Variants in NEB observed in about 807,000 individuals in gnomAD.
The protein encoded by NEB is nebulin.
In NEB, 512 loss-of-function variants were observed where a neutral mutation model predicts 952.2. The observed-to-expected ratio is 0.54, with a 90% CI of 0.50 to 0.58. The LOEUF (loss-of-function observed/expected upper bound fraction) is 0.58. Among genes scored for constraint, NEB ranks in the 20% least tolerant of loss-of-function variants. NEB has a pLI of 0.00. For synonymous variants in NEB, 2,900 were observed against 3,149.8 expected (o/e 0.92, Z 2.66); for missense variants, 8,428 against 9,231.1 (o/e 0.91, Z 3.56).
intron 171 of NEB, chr2:151,497,281 A>ATT (rs376283107): frequency 1.5e-5 from 11 of 752,054 alleles, no homozygotes; most frequent in East Asian, 2.6e-4. Flanking sequence ...TATCCATGTT[A>ATT]TTTTTTTTTT....
At chr2:151,635,403 G>A (rs927862784) in intron 64 of NEB, among the ~76,000 whole-genome samples, 4 of 152,192 alleles carry the variant, frequency 2.6e-5, no homozygotes, top group South Asian at 2.1e-4. Flanking sequence ...TCTGGGAGAC[G>A]TGCTAAATGG....
chr2:151,621,392 C>G (rs1206845126), intron 71 of NEB, among the ~76,000 whole-genome samples: 1 of 152,168 alleles, frequency 6.6e-6, no homozygotes, highest in Non-Finnish European at 1.5e-5. Context: ...TAGCAGAGAA[C>G]AGTATCATAT....
intron 171 of NEB, chr2:151,497,285 T>TA (rs2060868909): frequency 1.1e-6 from 1 of 949,110 alleles, no homozygotes; most frequent in African/African-American, 1.8e-5. Context: ...CATGTTATTT[T>TA]TTTTTTTCCT....
chr2:151,512,019 CTTTTTTTTTTT>C (rs71403173), intron 161 of NEB, among the ~76,000 whole-genome samples: 12 of 93,580 alleles, frequency 1.3e-4, no homozygotes, highest in African/African-American at 1.7e-4. Context: ...CCCTCTCACT[CTTTTTTTTTTT>C]TTTTTTTTTT....
At chr2:151,609,292 G>A (rs1283836772) in intron 81 of NEB, among the ~76,000 whole-genome samples, 4 of 152,036 alleles carry the variant, frequency 2.6e-5, no homozygotes, top group African/African-American at 9.7e-5. Context: ...ATAAGTGCAC[G>A]AGATTGTACT....
intron 112 of NEB, 37 bp from the exon 113 acceptor site, chr2:151,568,215 G>C (rs777653216): frequency 6.3e-7 from 1 of 1,597,142 alleles, no homozygotes; most frequent in Non-Finnish European, 8.6e-7. Flanking sequence ...TTAAAATGAG[G>C]AGTCAGAAGG....
intron 135 of NEB, among the ~76,000 whole-genome samples, chr2:151,545,686 G>A (rs1188941714): frequency 6.6e-6 from 1 of 152,102 alleles, no homozygotes. Flanking sequence ...TTACCAAAAG[G>A]GGGCAAAATA....
chr2:151,547,522 T>C lies in NEB; in HGVS notation c.20274A>G (p.Lys6758=), dbSNP rs1258333426. The change falls in exon 133 of 182, where the codon AAA becomes AAG. Residue 6758 remains lysine, a synonymous_variant. Coordinates refer to ENST00000397345, the MANE Select transcript of NEB (RefSeq NM_001164508.2). ...TQEAVSELIY[K]SDFFKMQGHM... is the part of the protein sequence containing the mutation. ...GGCCCTGCATCTTGAAGAAGTCTGA[T>C]TTGTAGATCAACTAAAGAAAAAAAA... 1 of 1,604,554 alleles carries C rather than the reference T, an allele frequency of 6.2e-7. No homozygotes were observed. Among genetic ancestry groups the C allele is most frequent in the Non-Finnish European group, 8.5e-7 (1 of 1,175,324 alleles).
intron 47 of NEB, among the ~76,000 whole-genome samples, chr2:151,658,534 A>T (rs986735686): frequency 2.0e-5 from 3 of 152,342 alleles, no homozygotes; most frequent in Admixed American, 6.5e-5. Flanking sequence ...TGTGGAATTC[A>T]AACAAAGAAA....
At chr2:151,612,479 G>T in intron 77 of NEB, 90 bp from the exon 78 acceptor site, 2 of 1,211,130 alleles carry the variant, frequency 1.7e-6, no homozygotes, top group Non-Finnish European at 1.2e-6. Flanking sequence ...TAATGTGTTA[G>T]TCTGAATCTT....
At chr2:151,616,522 C>T (rs2098202033) in intron 75 of NEB, among the ~76,000 whole-genome samples, 1 of 152,034 alleles carries the variant, frequency 6.6e-6, no homozygotes, top group Non-Finnish European at 1.5e-5. Context: ...GGTGAAATCC[C>T]GTCTCCACTA....
chr2:151,620,659 T>A (rs2098396628), intron 72 of NEB, among the ~76,000 whole-genome samples: 1 of 152,030 alleles, frequency 6.6e-6, no homozygotes, highest in South Asian at 2.1e-4. Flanking sequence ...TAGCTCAGCA[T>A]ACACACATCT....
chr2:151,627,379 A>T (rs1431621388), intron 69 of NEB, 144 bp downstream of exon 69: 87 of 1,421,704 alleles, frequency 6.1e-5, no homozygotes, highest in South Asian at 1.4e-5. Flanking sequence ...CTCCAAAAAA[A>T]GTAAGGGGAA....
chr2:151,530,277 A>G (rs1467840924), intron 145 of NEB, among the ~76,000 whole-genome samples: 1 of 152,188 alleles, frequency 6.6e-6, no homozygotes, highest in Admixed American at 6.5e-5. Context: ...ATAGGAGGGA[A>G]AGGCACAGAG....
chr2:151,546,377 T>C lies in NEB; in HGVS notation c.20434A>G (p.Met6812Val), dbSNP rs370764959. 45 of 1,613,354 alleles carry C rather than the reference T, an allele frequency of 2.8e-5. No homozygotes were observed. Among genetic ancestry groups the C allele is most frequent in the Middle Eastern group, 1.7e-4 (1 of 6,056 alleles). ...FGCFLYDTPD[M>V]VRSRHLRKLW... ...TTCCGCAGGTGCCGGGAGCGGACCATGTCAGGAGTGTCATACAGGAAGCAG... is the reference window on the plus strand; with the variant it reads ...TTCCGCAGGTGCCGGGAGCGGACCACGTCAGGAGTGTCATACAGGAAGCAG... The change falls in exon 134 of 182, where the codon ATG (methionine) becomes GTG (valine). Residue 6812 changes from methionine (M) to valine (V), a missense_variant. Coordinates refer to ENST00000397345, the MANE Select transcript of NEB (RefSeq NM_001164508.2).
Position 151,650,251 on chromosome 2 carries a change from G to A in NEB, c.7356C>T (p.Asp2452=). 1.9e-6 allele frequency: 3 copies of A among 1,613,890 alleles called. No individual in the cohort carries two copies. Among genetic ancestry groups the A allele is most frequent in the East Asian group, 2.2e-5 (1 of 44,872 alleles). The change falls in exon 54 of 182, where the codon GAC becomes GAT. Residue 2452 remains aspartate (D), a synonymous_variant. Coordinates refer to ENST00000397345, the MANE Select transcript of NEB (RefSeq NM_001164508.2). ...CAGGAATGCTGGTGAACTTGTTTCTGTCTGGAGGCTGACGATATTTCTTCT... is the reference window on the plus strand; with the variant it reads ...CAGGAATGCTGGTGAACTTGTTTCTATCTGGAGGCTGACGATATTTCTTCT... ...ISEKKYRQPP[D]RNKFTSIPDA...
At position 151,576,156 on chromosome 2, in the gene NEB, T is replaced by C; in HGVS notation, c.16903A>G (p.Ser5635Gly). 1 of 1,595,210 alleles carries C rather than the reference T, an allele frequency of 6.3e-7. No homozygotes were observed. The change falls in exon 106 of 182, where the codon AGT becomes GGT. Residue 5635 changes from serine to glycine, a missense_variant. Around this residue, in one of 11 missense-constraint regions of NEB, gnomAD observed 3,374 missense variants for 3,651.5 expected, o/e 0.92. Coordinates refer to ENST00000397345, the MANE Select transcript of NEB (RefSeq NM_001164508.2). ...VLAKSNAENI[S>G]IPKYREVWDK... ...ATAGAGAAAAACTAACTCACAATAC[T>C]AATATTTTCAGCATTTGATTTAGCA...
In NEB at chr2:151,704,509, G is replaced by A. The variant is rs1385161705; in HGVS notation, c.1152+2372C>T. Among the ~76,000 whole-genome samples, 5 of 151,674 alleles carry A rather than the reference G, an allele frequency of 3.3e-5. 1 individual carries two copies. The South Asian group carries it at 6.3e-4, about 19-fold the overall frequency. ...TCAGACTGCTGTGCTAGCAATCAGCGAGACTCCGTGGGCGTAGGACCCTCC... is the reference window on the plus strand; with the variant it reads ...TCAGACTGCTGTGCTAGCAATCAGCAAGACTCCGTGGGCGTAGGACCCTCC... On this transcript the variant is annotated intron_variant, in intron 13 of 181. Coordinates refer to ENST00000397345, the MANE Select transcript of NEB (RefSeq NM_001164508.2).
At position 151,531,093 on chromosome 2, in the gene NEB, A is replaced by G. The variant is rs2090456365; in HGVS notation, c.21531T>C (p.Tyr7177=). The change falls in exon 145 of 182, where the codon TAT becomes TAC. Residue 7177 remains tyrosine, a synonymous_variant. Transcript: ENST00000397345. ...GTTTGGCCTTGTTGTATTCCAATTT[A>G]TAAAGGATCTGAAAGATCAAAAAGC... ...KVNKQISDIL[Y]KLEYNKAKPR... The G allele has an allele frequency of 2.5e-6, 4 of 1,604,922 alleles. No individual in the cohort carries two copies. The highest frequency in any genetic ancestry group is 3.4e-6 in the Non-Finnish European group (4 of 1,172,392).
Sources: gnomAD v4.1 joint callset for allele counts (sites outside exome capture counted in the v4.1 genomes callset) on GRCh38, gnomAD v4.1.1 for gene constraint, gnomAD v4.1.1 regional missense constraint, MANE v1.5 for transcripts, NCBI Gene and HGNC (gene_info 2026-07-23, HGNC 2026-07-21) for gene names.